ZNF423: variants seen among roughly 807,000 people sequenced by gnomAD.
ZNF423 encodes zinc finger protein 423.
In ZNF423, 12 loss-of-function variants were observed where a neutral mutation model predicts 95.8. The ratio of observed to expected loss-of-function variants is 0.13; its 90% CI spans 0.08 to 0.20. The LOEUF (loss-of-function observed/expected upper bound fraction) is 0.20, where lower values mean the gene tolerates loss of function less well. Among genes scored for constraint, ZNF423 ranks in the 10% least tolerant of loss-of-function variants. ZNF423 has a pLI of 1.00. For missense variants in ZNF423, 1,316 were observed against 1,737.1 expected (o/e 0.76, Z 4.31); for synonymous variants, 749 against 711.9 (o/e 1.05, Z -0.83).
intron 2 of ZNF423, among the ~76,000 whole-genome samples, chr16:49,753,714 C>G (rs1394640747): frequency 2.6e-5 from 4 of 152,126 alleles, no homozygotes; most frequent in Non-Finnish European, 5.9e-5. Context: ...GACATTTGAG[C>G]AAACACTTGA....
At chr16:49,719,202 G>A (rs2032794725) in intron 3 of ZNF423, among the ~76,000 whole-genome samples, 1 of 152,156 alleles carries the variant, frequency 6.6e-6, no homozygotes, top group South Asian at 2.1e-4. Context: ...CCCGCCCAGG[G>A]GTGAGACAGA....
intron 1 of ZNF423, among the ~76,000 whole-genome samples, chr16:49,819,249 C>CAA (rs34167954): frequency 0.37 from 26,564 of 72,398 alleles, 4,857 homozygotes; most frequent in Middle Eastern, 0.43. Flanking sequence ...GATTCCGTCT[C>CAA]AAAAAAAAAA....
chr16:49,831,133 C>A (rs1335453941), intron 1 of ZNF423, among the ~76,000 whole-genome samples: 2 of 152,094 alleles, frequency 1.3e-5, no homozygotes, highest in African/African-American at 4.8e-5. Context: ...AGAGCAGTGA[C>A]ATGGTCAAAG....
intron 1 of ZNF423, among the ~76,000 whole-genome samples, chr16:49,790,669 G>A (rs2034398184): frequency 6.6e-6 from 1 of 152,236 alleles, no homozygotes; most frequent in Non-Finnish European, 1.5e-5. Flanking sequence ...GCTGGCTTGT[G>A]GTCAGAACCT....
upstream of ZNF423, among the ~76,000 whole-genome samples, chr16:49,858,786 G>A (rs1167612144): frequency 5.3e-5 from 8 of 151,336 alleles, no homozygotes; most frequent in East Asian, 1.2e-3. The surrounding 1 kb of genome is among the most constrained non-coding windows in gnomAD (Gnocchi z 4.3). Context: ...GCCAAGGGCC[G>A]AGGCGAGGGC....
At chr16:49,639,214 A>G (rs765010189) in intron 3 of ZNF423, among the ~76,000 whole-genome samples, 4 of 152,210 alleles carry the variant, frequency 2.6e-5, no homozygotes, top group Admixed American at 1.3e-4. Context: ...AAGTCACTGG[A>G]AACGAACTCA....
chr16:49,768,839 C>G (rs2033978174), intron 2 of ZNF423, among the ~76,000 whole-genome samples: 1 of 152,112 alleles, frequency 6.6e-6, no homozygotes, highest in East Asian at 1.9e-4. Flanking sequence ...TCAAGTACCC[C>G]CTCAACATCT....
chr16:49,535,972 A>G (rs1969042124), intron 5 of ZNF423, among the ~76,000 whole-genome samples: 1 of 152,230 alleles, frequency 6.6e-6, no homozygotes, highest in Admixed American at 6.5e-5. Flanking sequence ...CGACCCTGCC[A>G]GGGACACATG....
intron 7 of ZNF423, among the ~76,000 whole-genome samples, chr16:49,521,559 T>G (rs936022643): frequency 6.6e-6 from 1 of 152,144 alleles, no homozygotes. Context: ...TGTGGATCAA[T>G]GGGGAGACAG....
intron 1 of ZNF423, among the ~76,000 whole-genome samples, chr16:49,836,488 C>T (rs2035121752): frequency 6.6e-6 from 1 of 152,108 alleles, no homozygotes; most frequent in African/African-American, 2.4e-5. Context: ...CGGCATGGTG[C>T]TGGCTCACCA....
At chr16:49,810,135 G>A (rs1239529551) in intron 1 of ZNF423, among the ~76,000 whole-genome samples, 1 of 152,152 alleles carries the variant, frequency 6.6e-6, no homozygotes, top group African/African-American at 2.4e-5. Context: ...GGTGGTCTGG[G>A]GTCGGGGAGG....
chr16:49,614,948 T>A (rs570492146), intron 5 of ZNF423, among the ~76,000 whole-genome samples: 16 of 152,230 alleles, frequency 1.1e-4, no homozygotes, highest in African/African-American at 3.9e-4. Context: ...CTGGCCAACA[T>A]GGTGAAACCC....
intron 5 of ZNF423, among the ~76,000 whole-genome samples, chr16:49,581,490 A>T (rs1970673170): frequency 6.6e-6 from 1 of 152,238 alleles, no homozygotes. Context: ...CCTTGGAGGA[A>T]AGTTATAGGC....
In ZNF423 at chr16:49,573,940, A is replaced by G. The variant is rs146893349; in HGVS notation, c.3602-48446T>C. On this transcript the variant is annotated intron_variant, in intron 5 of 7. Transcript: ENST00000563137. ...ATGCGTACATGTGGTGAGCCTGCTG[A>G]TCATCCCCACGCCTTCATCCATACC... 3.9e-5 allele frequency among the ~76,000 whole-genome samples: 6 copies of G among 152,290 alleles called. No homozygotes were observed. The East Asian group carries it at 7.7e-4, about 20-fold the overall frequency.
At chr16:49,846,784 G>A (rs928031233) in intron 1 of ZNF423, among the ~76,000 whole-genome samples, 1 of 152,158 alleles carries the variant, frequency 6.6e-6, no homozygotes, top group Non-Finnish European at 1.5e-5. Flanking sequence ...GCAGCCACAG[G>A]GGGTGAGGGA....
At chr16:49,504,642 C>G (rs1233432317) in intron 7 of ZNF423, among the ~76,000 whole-genome samples, 5 of 152,118 alleles carry the variant, frequency 3.3e-5, no homozygotes, top group African/African-American at 1.2e-4. Flanking sequence ...GTTGCTGCAC[C>G]AATAGCTAAG....
chr16:49,555,454 G>A (rs1969787081), intron 5 of ZNF423, among the ~76,000 whole-genome samples: 1 of 152,226 alleles, frequency 6.6e-6, no homozygotes, highest in Non-Finnish European at 1.5e-5. Context: ...AGCTTCTGTT[G>A]TCCTCTGCTA....
At chr16:49,680,542 AC>A (rs2031308120) in intron 3 of ZNF423, among the ~76,000 whole-genome samples, 2 of 152,192 alleles carry the variant, frequency 1.3e-5, no homozygotes, top group Non-Finnish European at 2.9e-5. Flanking sequence ...CAGGGCTGTG[AC>A]ACCTTCCTTG....
chr16:49,822,150 T>C (rs1411797896), intron 1 of ZNF423, among the ~76,000 whole-genome samples: 1 of 151,134 alleles, frequency 6.6e-6, no homozygotes, highest in African/African-American at 2.4e-5. Flanking sequence ...GACAACCCGT[T>C]TGCCTAAGTC....
Sources: allele counts gnomAD v4.1 joint callset (sites outside exome capture counted in the v4.1 genomes callset), GRCh38; gene constraint gnomAD v4.1.1; non-coding constraint Gnocchi (gnomAD v3.1); transcripts MANE v1.5; gene names NCBI Gene and HGNC (gene_info 2026-07-23, HGNC 2026-07-21).